Variants in DNAJC27 observed in about 807,000 individuals in gnomAD.
DNAJC27 encodes DnaJ heat shock protein family (Hsp40) member C27, also known as dnaJ homolog subfamily C member 27.
DNAJC27 carries 25 observed loss-of-function variants against 31.4 expected under a neutral mutation model. The observed-to-expected ratio is 0.80, with a 90% confidence interval of 0.58 to 1.11. The LOEUF (loss-of-function observed/expected upper bound fraction) is 1.11. DNAJC27 is among the 50% of genes most tolerant of loss of function. The pLI, the probability that DNAJC27 is intolerant of heterozygous loss-of-function variation, is 0.00. For missense variants in DNAJC27, 356 were observed against 347.3 expected (o/e 1.02, Z -0.20); for synonymous variants, 106 against 112.7 (o/e 0.94, Z 0.37).
upstream of DNAJC27, chr2:24,972,019 C>A: frequency 1.3e-6 from 1 of 744,608 alleles, no homozygotes; most frequent in Admixed American, 4.0e-5. Flanking sequence ...GCCTCGCCTC[C>A]GCTGCTCGCC....
At chr2:24,953,234 T>C (rs1665825435) in intron 5 of DNAJC27, among the ~76,000 whole-genome samples, 1 of 152,234 alleles carries the variant, frequency 6.6e-6, no homozygotes, top group South Asian at 2.1e-4. Flanking sequence ...CTTTTATAGT[T>C]CCTGTTATCT....
chr2:24,946,841 C>G lies in DNAJC27; in HGVS notation c.*775G>C, dbSNP rs1419830436. 6.6e-6 allele frequency: 1 copy of G among 152,182 alleles called. No individual in the cohort carries two copies. Among genetic ancestry groups the G allele is most frequent in the African/African-American group, 2.4e-5 (1 of 41,410 alleles). The allele number at this position is 152,182 out of a possible 1,614,324, so 9.4% of individuals were successfully genotyped here. A position where few individuals can be genotyped will look rare whatever the true frequency, so the allele number is the denominator to read the frequency against. Reference sequence around the variant, plus strand: ...AGTACTTCTGTCTTGGGGCCTGATTCCTCATTCCCAGGTGCACAGTGCTCT... The same window carrying G: ...AGTACTTCTGTCTTGGGGCCTGATTGCTCATTCCCAGGTGCACAGTGCTCT... On this transcript the variant is annotated 3_prime_UTR_variant, in exon 7 of 7. Transcript: ENST00000264711.
At chr2:24,967,333 G>A (rs954753719) in intron 1 of DNAJC27, 40 bp from the exon 2 acceptor site, 2 of 1,272,460 alleles carry the variant, frequency 1.6e-6, no homozygotes, top group African/African-American at 3.0e-5. Context: ...TAAATACATA[G>A]TGAGAACACA....
At chr2:24,960,707 C>T (rs1263085092) in intron 3 of DNAJC27, among the ~76,000 whole-genome samples, 2 of 152,206 alleles carry the variant, frequency 1.3e-5, no homozygotes, top group African/African-American at 4.8e-5. Context: ...CCAGCCACAA[C>T]CTTCTCTTAA....
chr2:24,946,443 G>A lies in DNAJC27; in HGVS notation c.*1173C>T, dbSNP rs74654316. 13,711 of 152,366 alleles carry A rather than the reference G, an allele frequency of 0.09. 1,215 individuals carry two copies. The highest frequency in any genetic ancestry group is 0.23 in the African/African-American group (9,647 of 41,470). 9.4% of individuals were successfully genotyped at this position (152,366 alleles called of 1,614,324 possible). On this transcript the variant is annotated 3_prime_UTR_variant, in exon 7 of 7. Transcript: ENST00000264711. ...GTGGGGTTCAGAAAAAACACAAGAC[G>A]GGAAGGGGAAGAGGGGAAAAAAGGA...
At chr2:24,967,873 G>A (rs894711881) in intron 1 of DNAJC27, among the ~76,000 whole-genome samples, 3 of 151,544 alleles carry the variant, frequency 2.0e-5, no homozygotes, top group South Asian at 2.1e-4. Context: ...TGCTTTCAAC[G>A]ATACCACCAA....
intron 2 of DNAJC27, among the ~76,000 whole-genome samples, chr2:24,964,556 T>A (rs1274230592): frequency 6.6e-6 from 1 of 152,210 alleles, no homozygotes; most frequent in Non-Finnish European, 1.5e-5. Context: ...ATATTCCCTA[T>A]GATTCCAGCC....
chr2:24,956,393 T>A (rs994411925), intron 5 of DNAJC27, among the ~76,000 whole-genome samples: 2 of 152,228 alleles, frequency 1.3e-5, no homozygotes, highest in Non-Finnish European at 2.9e-5. Context: ...TAGGTTTTTT[T>A]AAAGTGGCCA....
upstream of DNAJC27, chr2:24,972,092 G>C: frequency 2.0e-6 from 1 of 491,928 alleles, no homozygotes; most frequent in Non-Finnish European, 3.6e-6. Flanking sequence ...GGGGGAGGGA[G>C]ACGGGAGTCT....
In DNAJC27 at chr2:24,967,291, G is replaced by C. The variant is rs764320517; in HGVS notation, c.90C>G (p.Ser30Arg). 1 of 1,608,802 alleles carries C rather than the reference G, an allele frequency of 6.2e-7. No individual in the cohort carries two copies. The highest frequency in any genetic ancestry group is 8.5e-7 in the Non-Finnish European group (1 of 1,175,600). Reference protein sequence around the residue: ...ISMGNAEVGKSCIIKRYCEKR... With the variant: ...ISMGNAEVGKRCIIKRYCEKR... ...TCTCACAGTATCGCTTTATAATACA[G>C]CTCTAAAAAGGTAAAAAATACAGGC... Residue 30 changes from serine to arginine, a missense_variant and splice_region_variant, in exon 2 of 7, where the codon AGC becomes AGG. Transcript: ENST00000264711.
In DNAJC27 at chr2:24,954,884, C is replaced by T. The variant is rs138136940; in HGVS notation, c.528+2159G>A. Among the ~76,000 whole-genome samples, 394 of 152,092 alleles carry T rather than the reference C, an allele frequency of 2.6e-3. 5 individuals carry two copies. The highest frequency in any genetic ancestry group is 9.0e-3 in the African/African-American group (375 of 41,474). ...CCAGGAGGCGGAGCTTGCCATGAGC[C>T]GAGATTGCGCCACTGCACTCCAGCC... is the stretch of plus-strand genomic sequence containing the variant. On this transcript the variant is annotated intron_variant, in intron 5 of 6. Transcript: ENST00000264711.
At chr2:24,956,826 T>C (rs1325848913) in intron 5 of DNAJC27, among the ~76,000 whole-genome samples, 1 of 152,204 alleles carries the variant, frequency 6.6e-6, no homozygotes, top group Non-Finnish European at 1.5e-5. Context: ...GGTGATCAGC[T>C]AAGTCTCATC....
intron 1 of DNAJC27, chr2:24,969,437 TG>T: frequency 5.3e-6 from 1 of 189,240 alleles, no homozygotes; most frequent in Non-Finnish European, 1.1e-5. Context: ...AAAATCTTTC[TG>T]GTGGAAACTG....
At chr2:24,971,089 AG>A (rs1227250276) in intron 1 of DNAJC27, among the ~76,000 whole-genome samples, 1 of 152,216 alleles carries the variant, frequency 6.6e-6, no homozygotes. Context: ...CTTGCCCAAA[AG>A]GAAAGAATTT....
intron 1 of DNAJC27, among the ~76,000 whole-genome samples, chr2:24,970,111 CTTTA>C (rs1401027617): frequency 3.3e-5 from 5 of 152,128 alleles, no homozygotes; most frequent in African/African-American, 7.2e-5. Context: ...AACCTAGGAA[CTTTA>C]TTTTTGTTGT....
chr2:24,948,643 C>T (rs1665700576), intron 6 of DNAJC27, among the ~76,000 whole-genome samples: 1 of 152,192 alleles, frequency 6.6e-6, no homozygotes, highest in Non-Finnish European at 1.5e-5. Flanking sequence ...GATAAACCAG[C>T]AGCGCTCCAG....
Position 24,944,484 on chromosome 2 carries a change from G to C in DNAJC27, c.*3132C>G, listed in dbSNP as rs1253788025. The C allele has an allele frequency of 6.6e-6, 1 of 152,256 alleles. No homozygotes were observed. The highest frequency in any genetic ancestry group is 1.5e-5 in the Non-Finnish European group (1 of 68,018). The allele number at this position is 152,256 out of a possible 1,614,324, so 9.4% of individuals were successfully genotyped here. On this transcript the variant is annotated 3_prime_UTR_variant, in exon 7 of 7. Coordinates refer to ENST00000264711, the MANE Select transcript of DNAJC27 (RefSeq NM_016544.3). The stretch of plus-strand genomic sequence containing the variant: ...TTAACTAACAGTGAATTAGGTACTA[G>C]TTTATAGGTATAAAGAAATAGTTAC...
intron 1 of DNAJC27, 148 bp downstream of exon 1, chr2:24,971,670 G>T: frequency 1.7e-6 from 1 of 591,284 alleles, no homozygotes; most frequent in Non-Finnish European, 2.8e-6. Flanking sequence ...AGTTTCGTTC[G>T]CGGAGCCGCA....
In DNAJC27 at chr2:24,944,215, A is replaced by G. The variant is rs1258842516; in HGVS notation, c.*3401T>C. ...CAAAGGAGGTGACATTCCCATGCCTAGTGGAATTAGTTGTAAGACGCGCAC... is the reference window on the plus strand; with the variant it reads ...CAAAGGAGGTGACATTCCCATGCCTGGTGGAATTAGTTGTAAGACGCGCAC... On this transcript the variant is annotated 3_prime_UTR_variant, in exon 7 of 7. Transcript: ENST00000264711. 1 of 152,162 alleles carries G rather than the reference A, an allele frequency of 6.6e-6. No homozygotes were observed. Among genetic ancestry groups the G allele is most frequent in the Non-Finnish European group, 1.5e-5 (1 of 68,034 alleles). 9.4% of individuals were successfully genotyped at this position (152,162 alleles called of 1,614,324 possible).
Sources: gnomAD v4.1 joint callset for allele counts (sites outside exome capture counted in the v4.1 genomes callset) on GRCh38, gnomAD v4.1.1 for gene constraint, MANE v1.5 for transcripts, NCBI Gene and HGNC (gene_info 2026-07-23, HGNC 2026-07-21) for gene names.